Variants in ZMAT4 observed in about 807,000 individuals in gnomAD.
ZMAT4 encodes zinc finger matrin-type protein 4.
Under a neutral mutation model 28.7 loss-of-function variants are expected in ZMAT4, and 17 were observed. That is an observed-to-expected ratio of 0.59 (90% CI 0.41 to 0.89). The LOEUF (loss-of-function observed/expected upper bound fraction) is 0.89, where lower values mean the gene tolerates loss of function less well. ZMAT4 is among the 40% of genes least tolerant of loss of function. The pLI is 0.00. For synonymous variants in ZMAT4, 117 were observed against 109.2 expected (o/e 1.07, Z -0.44); for missense variants, 240 against 283.8 (o/e 0.85, Z 1.11).
chr8:40,668,264 G>T (rs1808516127), intron 5 of ZMAT4, among the ~76,000 whole-genome samples: 1 of 151,960 alleles, frequency 6.6e-6, no homozygotes, highest in Non-Finnish European at 1.5e-5. Flanking sequence ...TTGAGGTCAG[G>T]ATTGGAACCA....
chr8:40,779,502 G>C (rs1813742794), intron 2 of ZMAT4, among the ~76,000 whole-genome samples: 1 of 152,138 alleles, frequency 6.6e-6, no homozygotes, highest in Non-Finnish European at 1.5e-5. Context: ...CTCCTGGGGA[G>C]AGCTGAGAGG....
At chr8:40,629,516 A>G (rs564850560) in intron 5 of ZMAT4, among the ~76,000 whole-genome samples, 1 of 151,182 alleles carries the variant, frequency 6.6e-6, no homozygotes, top group Non-Finnish European at 1.5e-5. Flanking sequence ...TTAACTCGTC[A>G]TTTAGCATTA....
intron 6 of ZMAT4, among the ~76,000 whole-genome samples, chr8:40,568,781 C>A (rs150521973): frequency 1.3e-5 from 2 of 151,962 alleles, no homozygotes; most frequent in African/African-American, 4.8e-5. Context: ...AGGACTGAAC[C>A]CAGCCAGTCT....
chr8:40,736,786 A>G (rs12541774), intron 3 of ZMAT4, among the ~76,000 whole-genome samples: 46,229 of 146,236 alleles, frequency 0.32, 7,583 homozygotes, highest in Non-Finnish European at 0.37. Context: ...GCAAAGCAGG[A>G]TGTGAAAACC....
intron 2 of ZMAT4, among the ~76,000 whole-genome samples, chr8:40,796,316 C>T (rs1222091459): frequency 1.3e-5 from 2 of 152,214 alleles, no homozygotes; most frequent in Non-Finnish European, 1.5e-5. Context: ...TGCCATGCCA[C>T]ATTTTCCTTC....
At chr8:40,742,986 TG>T (rs1407021362) in intron 3 of ZMAT4, among the ~76,000 whole-genome samples, 1 of 151,914 alleles carries the variant, frequency 6.6e-6, no homozygotes, top group Admixed American at 6.6e-5. Flanking sequence ...CTGAGGCAAG[TG>T]GGTCACCTGA....
intron 5 of ZMAT4, among the ~76,000 whole-genome samples, chr8:40,597,808 C>T (rs16889644): frequency 0.21 from 31,305 of 152,044 alleles, 3,343 homozygotes; most frequent in Middle Eastern, 0.26. Context: ...TGTGGATAAA[C>T]TGAACTCTGA....
intron 2 of ZMAT4, among the ~76,000 whole-genome samples, chr8:40,793,313 C>T (rs779814935): frequency 2.6e-4 from 40 of 152,322 alleles, no homozygotes; most frequent in Non-Finnish European, 4.7e-4. Flanking sequence ...CCTACTTTGC[C>T]TTTCATTGCC....
At chr8:40,681,796 G>T (rs977971390) in intron 4 of ZMAT4, among the ~76,000 whole-genome samples, 2 of 151,898 alleles carry the variant, frequency 1.3e-5, no homozygotes, top group Admixed American at 1.3e-4. Context: ...TTATTTTACA[G>T]GGTTAAAGAA....
intron 2 of ZMAT4, among the ~76,000 whole-genome samples, chr8:40,787,994 A>G (rs1814157197): frequency 1.3e-5 from 2 of 152,226 alleles, no homozygotes; most frequent in African/African-American, 2.4e-5. Flanking sequence ...AGGAAAAAAT[A>G]TAAGTATTAT....
At chr8:40,675,998 A>C (rs999285194) in intron 4 of ZMAT4, among the ~76,000 whole-genome samples, 6 of 152,246 alleles carry the variant, frequency 3.9e-5, no homozygotes, top group African/African-American at 1.4e-4. Flanking sequence ...CAAACAAAAA[A>C]GAGCCTAACT....
intron 5 of ZMAT4, among the ~76,000 whole-genome samples, chr8:40,605,349 G>A (rs1375376322): frequency 6.6e-6 from 1 of 152,062 alleles, no homozygotes; most frequent in Non-Finnish European, 1.5e-5. Context: ...CACCACTTTT[G>A]CTGTATCCCA....
intron 6 of ZMAT4, among the ~76,000 whole-genome samples, chr8:40,574,246 G>C (rs549347774): frequency 3.9e-5 from 6 of 152,008 alleles, no homozygotes; most frequent in African/African-American, 1.4e-4. Flanking sequence ...ATATCAGAAA[G>C]GGTATACTTT....
At chr8:40,768,912 G>T (rs1420686818) in intron 2 of ZMAT4, among the ~76,000 whole-genome samples, 4 of 152,006 alleles carry the variant, frequency 2.6e-5, no homozygotes, top group African/African-American at 9.7e-5. Flanking sequence ...CTCCTGGATG[G>T]TGGTTTACTT....
chr8:40,803,759 CA>C (rs1814957497), intron 2 of ZMAT4, among the ~76,000 whole-genome samples: 1 of 152,040 alleles, frequency 6.6e-6, no homozygotes, highest in Admixed American at 6.6e-5. Context: ...AACTTGTGCC[CA>C]CAAAAAAAGC....
intron 2 of ZMAT4, among the ~76,000 whole-genome samples, chr8:40,820,642 C>A (rs1815740939): frequency 2.0e-5 from 2 of 99,798 alleles, no homozygotes; most frequent in South Asian, 7.8e-4. Flanking sequence ...GTGGGAGTGT[C>A]TCGGGCATGT....
chr8:40,781,761 C>CAAAAAAAAAAAAAAA (rs59432510), intron 2 of ZMAT4, among the ~76,000 whole-genome samples: 5 of 38,516 alleles, frequency 1.3e-4, no homozygotes, highest in Non-Finnish European at 2.2e-4. Flanking sequence ...GACTCCGTCT[C>CAAAAAAAAAAAAAAA]AAAAAAAAAA....
At chr8:40,801,351 A>AAAAAAAATATATAT (rs370796453) in intron 2 of ZMAT4, among the ~76,000 whole-genome samples, 2 of 97,258 alleles carry the variant, frequency 2.1e-5, no homozygotes, top group Admixed American at 9.8e-5. Context: ...TAAAAAAAAA[A>AAAAAAAATATATAT]ATATATATAT....
intron 5 of ZMAT4, among the ~76,000 whole-genome samples, chr8:40,648,565 T>A (rs911454288): frequency 7.8e-6 from 1 of 128,844 alleles, no homozygotes; most frequent in Non-Finnish European, 1.6e-5. Flanking sequence ...ATTCAGGAAA[T>A]ACAGAGAACG....
Sources: allele counts gnomAD v4.1 joint callset (sites outside exome capture counted in the v4.1 genomes callset), GRCh38; gene constraint gnomAD v4.1.1; transcripts MANE v1.5; gene names NCBI Gene and HGNC (gene_info 2026-07-23, HGNC 2026-07-21).